The following IL34 variants were observed in gnomAD, a reference collection of about 807,000 sequenced individuals.
IL34 encodes interleukin 34.
Under a neutral mutation model 25.3 loss-of-function variants are expected in IL34, and 17 were observed. That is an observed-to-expected ratio of 0.67 (90% CI 0.46 to 1.01). The LOEUF (loss-of-function observed/expected upper bound fraction) is 1.01. Ranked by LOEUF, IL34 falls within the 50% of genes least tolerant of loss-of-function variation. IL34 has a pLI of 0.00. For missense variants in IL34, 368 were observed against 312.9 expected (o/e 1.18, Z -1.33); for synonymous variants, 174 against 140.9 (o/e 1.23, Z -1.66).
chr16:70,633,908 TG>T (rs1335190500), intron 1 of IL34, among the ~76,000 whole-genome samples: 1 of 151,872 alleles, frequency 6.6e-6, no homozygotes, highest in African/African-American at 2.4e-5. Flanking sequence ...TGGAGTGCGG[TG>T]GCGTGATCTT....
chr16:70,592,607 C>CT (rs2050769153), intron 1 of IL34, among the ~76,000 whole-genome samples: 2 of 152,156 alleles, frequency 1.3e-5, no homozygotes, highest in African/African-American at 2.4e-5. Context: ...TAAAAAAAAT[C>CT]AGTAGACTTT....
chr16:70,648,156 A>C (rs2051987426), intron 1 of IL34, among the ~76,000 whole-genome samples: 1 of 152,122 alleles, frequency 6.6e-6, no homozygotes, highest in South Asian at 2.1e-4. Context: ...CGTGATTGGG[A>C]GTTCCTCTGC....
At chr16:70,641,079 C>T (rs998026251) in intron 1 of IL34, among the ~76,000 whole-genome samples, 3 of 151,962 alleles carry the variant, frequency 2.0e-5, no homozygotes, top group African/African-American at 7.2e-5. Context: ...TGAGACCAGC[C>T]TGGCCAACAT....
At chr16:70,621,066 A>C (rs2051271070) in intron 1 of IL34, among the ~76,000 whole-genome samples, 1 of 152,150 alleles carries the variant, frequency 6.6e-6, no homozygotes, top group African/African-American at 2.4e-5. Flanking sequence ...TGTGGAAATA[A>C]GCAATTAGGG....
intron 1 of IL34, among the ~76,000 whole-genome samples, chr16:70,627,252 C>A (rs2051414286): frequency 2.0e-5 from 3 of 152,202 alleles, no homozygotes; most frequent in Admixed American, 6.6e-5. Context: ...TACACAAACA[C>A]ACAGGAAAGC....
At chr16:70,626,554 G>T (rs529039889) in intron 1 of IL34, among the ~76,000 whole-genome samples, 8 of 151,974 alleles carry the variant, frequency 5.3e-5, no homozygotes, top group Admixed American at 2.6e-4. Flanking sequence ...GCGCCACCAC[G>T]CCCGGCTAAT....
upstream of IL34, among the ~76,000 whole-genome samples, chr16:70,642,015 A>T (rs2051795999): frequency 6.6e-6 from 1 of 152,082 alleles, no homozygotes; most frequent in African/African-American, 2.4e-5. Context: ...TAAAGTACGG[A>T]TACATGCTGT....
At chr16:70,580,639 G>A (rs1673299497) in intron 1 of IL34, among the ~76,000 whole-genome samples, 1 of 151,850 alleles carries the variant, frequency 6.6e-6, no homozygotes, top group Admixed American at 6.6e-5. Context: ...AAGTTAGCCG[G>A]GTGTGGTGGT....
chr16:70,635,218 G>A (rs2051614529), intron 1 of IL34, among the ~76,000 whole-genome samples: 1 of 152,080 alleles, frequency 6.6e-6, no homozygotes, highest in Non-Finnish European at 1.5e-5. Context: ...TAACGTGGAG[G>A]GCCCCATTAC....
intron 1 of IL34, among the ~76,000 whole-genome samples, chr16:70,628,892 A>T (rs1292666940): frequency 6.7e-6 from 1 of 150,304 alleles, no homozygotes; most frequent in African/African-American, 2.5e-5. Context: ...GGTTCAAATG[A>T]TCCTTCCACC....
intron 1 of IL34, among the ~76,000 whole-genome samples, chr16:70,614,198 AG>A (rs1182660344): frequency 1.3e-5 from 2 of 151,202 alleles, no homozygotes; most frequent in East Asian, 1.9e-4. Flanking sequence ...AAAAAAAAAA[AG>A]AAGTGCAGTA....
chr16:70,628,807 G>C (rs911618179), intron 1 of IL34, among the ~76,000 whole-genome samples: 1 of 48,724 alleles, frequency 2.1e-5, no homozygotes, highest in Non-Finnish European at 4.1e-5. Flanking sequence ...TTTTTTTTTT[G>C]AGACAGGGTC....
At chr16:70,627,439 C>T (rs944626998) in intron 1 of IL34, among the ~76,000 whole-genome samples, 1 of 143,708 alleles carries the variant, frequency 7.0e-6, no homozygotes, top group Non-Finnish European at 1.5e-5. Flanking sequence ...CTCCCCTCCC[C>T]CTCCGCTCCC....
chr16:70,624,949 C>G, intron 1 of IL34, among the ~76,000 whole-genome samples: 1 of 151,914 alleles, frequency 6.6e-6, no homozygotes. Context: ...GTACGAGTTG[C>G]ATTGGGCACA....
chr16:70,641,813 C>T (rs1476521087), upstream of IL34, among the ~76,000 whole-genome samples: 9 of 151,916 alleles, frequency 5.9e-5, no homozygotes, highest in Admixed American at 5.2e-4. Flanking sequence ...GCAATCCACC[C>T]CCCCGCAACC....
chr16:70,618,571 G>A (rs1359594727), intron 1 of IL34, among the ~76,000 whole-genome samples: 15 of 152,162 alleles, frequency 9.9e-5, no homozygotes, highest in Non-Finnish European at 1.5e-4. Flanking sequence ...GCCGCTGCAC[G>A]CAGACATGAG....
intron 1 of IL34, among the ~76,000 whole-genome samples, chr16:70,637,255 C>T (rs935448979): frequency 1.3e-5 from 2 of 152,058 alleles, no homozygotes; most frequent in Non-Finnish European, 2.9e-5. Context: ...GCAGTTTGTG[C>T]TTTTGGTGTC....
upstream of IL34, among the ~76,000 whole-genome samples, chr16:70,644,845 AGGGAAGAGG>A (rs2051874343): frequency 7.4e-6 from 1 of 135,618 alleles, no homozygotes; most frequent in South Asian, 2.5e-4. Flanking sequence ...AAGAGGAAGG[AGGGAAGAGG>A]AGGAAGAGGA....
chr16:70,601,932 G>A (rs1198561156), intron 1 of IL34, among the ~76,000 whole-genome samples: 2 of 152,222 alleles, frequency 1.3e-5, no homozygotes, highest in Non-Finnish European at 2.9e-5. Flanking sequence ...GAGACCGAAG[G>A]GCAAGGGCCA....
Sources: allele counts gnomAD v4.1 joint callset (sites outside exome capture counted in the v4.1 genomes callset), GRCh38; gene constraint gnomAD v4.1.1; transcripts MANE v1.5; gene names NCBI Gene and HGNC (gene_info 2026-07-23, HGNC 2026-07-21).